Variants in FBXO34 observed in about 807,000 individuals in gnomAD.
FBXO34 encodes the protein F-box only protein 34.
A neutral mutation model predicts 24.5 loss-of-function variants in FBXO34; 12 were observed. That is an observed-to-expected ratio of 0.49 (90% CI 0.31 to 0.79). The LOEUF (loss-of-function observed/expected upper bound fraction) is 0.79. Among genes scored for constraint, FBXO34 ranks in the 30% least tolerant of loss-of-function variants. The pLI, the probability that FBXO34 is intolerant of heterozygous loss-of-function variation, is 0.04. For missense variants in FBXO34, 823 were observed against 857.7 expected (o/e 0.96, Z 0.51); for synonymous variants, 320 against 311.9 (o/e 1.03, Z -0.27).
chr14:55,406,434 T>C, the FBXO34 span, among the ~76,000 whole-genome samples: 2 of 151,992 alleles, frequency 1.3e-5, no homozygotes, highest in Non-Finnish European at 2.9e-5. Context: ...GGAAAAAGAG[T>C]CTAAAGGCAA....
the FBXO34 span, among the ~76,000 whole-genome samples, chr14:55,405,856 C>T: frequency 6.8e-6 from 1 of 147,136 alleles, no homozygotes; most frequent in East Asian, 2.1e-4. Flanking sequence ...TCAGTTTACA[C>T]TGAAGCCTGG....
downstream of FBXO34, among the ~76,000 whole-genome samples, chr14:55,371,528 C>G (rs546540588): frequency 6.6e-6 from 1 of 151,422 alleles, no homozygotes; most frequent in South Asian, 2.1e-4. Context: ...CCCCTCAGGC[C>G]GGGCGCGGTG....
downstream of FBXO34, among the ~76,000 whole-genome samples, chr14:55,374,527 C>CA (rs1425832304): frequency 8.5e-5 from 13 of 152,316 alleles, no homozygotes; most frequent in South Asian, 1.9e-3. Flanking sequence ...TAGACACACT[C>CA]AGAGTTCTGA....
intron 1 of FBXO34, among the ~76,000 whole-genome samples, chr14:55,299,545 A>G (rs1185909355): frequency 6.6e-6 from 1 of 152,170 alleles, no homozygotes; most frequent in Non-Finnish European, 1.5e-5. Context: ...TTACATCGGT[A>G]TGTGTCTTTT....
the FBXO34 span, among the ~76,000 whole-genome samples, chr14:55,428,119 CTTTTTTTTTTTTTTTTTT>C: frequency 2.3e-5 from 1 of 43,332 alleles, no homozygotes; most frequent in African/African-American, 1.1e-4. Context: ...CATGCCTTAT[CTTTTTTTTTTTTTTTTTT>C]TTTTTTTTTT....
chr14:55,433,306 T>C, the FBXO34 span, among the ~76,000 whole-genome samples: 2 of 113,774 alleles, frequency 1.8e-5, no homozygotes, highest in African/African-American at 8.0e-5. Context: ...TTTTTAGATT[T>C]CTCTTTTTTT....
intron 1 of FBXO34, among the ~76,000 whole-genome samples, chr14:55,304,869 A>C (rs1882486154): frequency 6.6e-6 from 1 of 152,096 alleles, no homozygotes; most frequent in Non-Finnish European, 1.5e-5. Context: ...GGTTTTTCAA[A>C]ATCTTTTTTA....
At chr14:55,428,073 C>T in the FBXO34 span, among the ~76,000 whole-genome samples, 11 of 147,008 alleles carry the variant, frequency 7.5e-5, 1 homozygote, top group Admixed American at 7.5e-4. Context: ...CCCTCACCAG[C>T]TGTCAAGCCC....
the FBXO34 span, among the ~76,000 whole-genome samples, chr14:55,439,192 G>T: frequency 1.3e-5 from 2 of 150,272 alleles, no homozygotes; most frequent in African/African-American, 2.4e-5. Flanking sequence ...ACGTGCCTCG[G>T]CCTCCCAAAG....
intron 1 of FBXO34, among the ~76,000 whole-genome samples, chr14:55,319,645 C>T (rs1016797942): frequency 6.6e-6 from 1 of 152,258 alleles, no homozygotes; most frequent in Admixed American, 6.5e-5. Context: ...ACAGGACCAA[C>T]ATTCTATATA....
At chr14:55,284,700 C>T (rs1310157576) in intron 1 of FBXO34, among the ~76,000 whole-genome samples, 1 of 147,590 alleles carries the variant, frequency 6.8e-6, no homozygotes, top group African/African-American at 2.5e-5. Context: ...CACTGCACCT[C>T]AACCACCCAG....
chr14:55,424,271 G>T, the FBXO34 span: 19 of 1,557,604 alleles, frequency 1.2e-5, no homozygotes, highest in Non-Finnish European at 1.7e-5. Context: ...GATGTAAAAG[G>T]AAAATGTTAA....
At chr14:55,436,791 T>C in the FBXO34 span, 4 of 1,614,112 alleles carry the variant, frequency 2.5e-6, no homozygotes, top group Non-Finnish European at 3.4e-6. Context: ...GACTTTGGCT[T>C]TCAGAATTTT....
At chr14:55,436,493 T>G in the FBXO34 span, 18 of 1,319,630 alleles carry the variant, frequency 1.4e-5, no homozygotes, top group East Asian at 4.2e-4. Flanking sequence ...TGAAATTAGT[T>G]GTCATCGCAT....
the FBXO34 span, among the ~76,000 whole-genome samples, chr14:55,426,789 T>A: frequency 6.6e-6 from 1 of 152,024 alleles, no homozygotes; most frequent in African/African-American, 2.4e-5. Flanking sequence ...AGAACAGGGA[T>A]GGGCCCACTC....
chr14:55,429,423 C>T, the FBXO34 span, among the ~76,000 whole-genome samples: 1 of 152,194 alleles, frequency 6.6e-6, no homozygotes. Flanking sequence ...GTGCTGCTCA[C>T]TGCAGTTTGG....
Position 55,305,909 on chromosome 14 carries a change from C to T in FBXO34, c.-11+34372C>T, listed in dbSNP as rs73263920. Among the ~76,000 whole-genome samples the T allele has an allele frequency of 9.2e-3, 1,405 of 152,318 alleles. 31 individuals are homozygous for T. Among genetic ancestry groups the T allele is most frequent in the African/African-American group, 0.033 (1,356 of 41,564 alleles). On this transcript the variant is annotated intron_variant, in intron 1 of 1. Transcript: ENST00000313833. Reference sequence around the variant, plus strand: ...CATTGTTGAGGCTGGTTTTTCATCTCCTTTCTGATTTTTGCTCTGAAGCCT... The same window carrying T: ...CATTGTTGAGGCTGGTTTTTCATCTTCTTTCTGATTTTTGCTCTGAAGCCT...
chr14:55,351,829 G>A lies in FBXO34; in HGVS notation c.1439G>A (p.Gly480Glu), dbSNP rs1238363131. 2 of 1,614,014 alleles carry A rather than the reference G, an allele frequency of 1.2e-6. No homozygotes were observed. Among genetic ancestry groups the A allele is most frequent in the East Asian group, 2.2e-5 (1 of 44,902 alleles). The stretch of plus-strand genomic sequence containing the variant: ...AACTCCTGTGAAGACCCAGTTCCAG[G>A]GATGTTGTTTTTTTTGCCACCTGGT... ...ILNSCEDPVP[G>E]MLFFLPPGQH... The change falls in exon 2 of 2, where the codon GGG becomes GAG. Residue 480 changes from glycine (G) to glutamate (E), a missense_variant. Physicochemically the swap from Gly to Glu is moderately conservative, Grantham distance 98. Transcript: ENST00000313833.
the FBXO34 span, among the ~76,000 whole-genome samples, chr14:55,412,736 T>G: frequency 6.6e-6 from 1 of 152,218 alleles, no homozygotes; most frequent in African/African-American, 2.4e-5. Context: ...ATTCTCTCTC[T>G]AGCCAGGATT....
Sources: gnomAD v4.1 joint callset for allele counts (sites outside exome capture counted in the v4.1 genomes callset) on GRCh38, gnomAD v4.1.1 for gene constraint, MANE v1.5 for transcripts, NCBI Gene and HGNC (gene_info 2026-07-23, HGNC 2026-07-21) for gene names.